SLC39A12: variants seen among roughly 807,000 people sequenced by gnomAD.
The protein encoded by SLC39A12 is solute carrier family 39 member 12, also known as zinc transporter ZIP12.
A neutral mutation model predicts 71.1 loss-of-function variants in SLC39A12; 63 were observed. That is an observed-to-expected ratio of 0.89 (90% confidence interval 0.72 to 1.09). The LOEUF is 1.09. SLC39A12 is among the 50% of genes least tolerant of loss of function. The pLI, the probability that SLC39A12 is intolerant of heterozygous loss-of-function variation, is 0.00. For missense variants in SLC39A12, 892 were observed against 812.6 expected (o/e 1.10, Z -1.19); for synonymous variants, 351 against 301.3 (o/e 1.16, Z -1.71).
chr10:17,955,159 G>C (rs1356541749), intron 2 of SLC39A12, among the ~76,000 whole-genome samples: 2 of 152,180 alleles, frequency 1.3e-5, no homozygotes, highest in African/African-American at 2.4e-5. Context: ...TTTTGCCAGG[G>C]GGGAAGGTAA....
intron 4 of SLC39A12, among the ~76,000 whole-genome samples, chr10:17,967,843 C>T (rs867990267): frequency 6.7e-6 from 1 of 150,086 alleles, no homozygotes; most frequent in Non-Finnish European, 1.5e-5. Flanking sequence ...GCTGAGTTCC[C>T]GCCACTGTAC....
At chr10:18,028,745 A>G (rs1293997550) in intron 12 of SLC39A12, among the ~76,000 whole-genome samples, 2 of 151,896 alleles carry the variant, frequency 1.3e-5, no homozygotes, top group African/African-American at 4.8e-5. Flanking sequence ...TTTGAGATGG[A>G]ATCTCACTCT....
intron 8 of SLC39A12, among the ~76,000 whole-genome samples, chr10:17,992,109 A>C (rs1046690281): frequency 5.2e-5 from 7 of 134,378 alleles, no homozygotes; most frequent in East Asian, 2.2e-4. Context: ...AAAAAAAAAA[A>C]CAAAAGAAAA....
At chr10:17,976,183 A>G (rs1394126321) in intron 4 of SLC39A12, among the ~76,000 whole-genome samples, 2 of 152,108 alleles carry the variant, frequency 1.3e-5, no homozygotes, top group African/African-American at 4.8e-5. Flanking sequence ...TCTTGTGTAG[A>G]TAGTTGTTAA....
intron 12 of SLC39A12, among the ~76,000 whole-genome samples, chr10:18,041,337 C>T (rs915795672): frequency 2.6e-5 from 4 of 151,434 alleles, no homozygotes; most frequent in Non-Finnish European, 4.4e-5. Flanking sequence ...TTTACCAAAA[C>T]ATACAAAAAT....
intron 12 of SLC39A12, among the ~76,000 whole-genome samples, chr10:18,040,043 A>G (rs936434151): frequency 1.3e-5 from 2 of 152,248 alleles, no homozygotes; most frequent in Admixed American, 6.5e-5. Flanking sequence ...CAACAGTTAC[A>G]TATAGTTCAA....
intron 12 of SLC39A12, among the ~76,000 whole-genome samples, chr10:18,030,424 A>G (rs1031014126): frequency 1.3e-5 from 2 of 151,628 alleles, no homozygotes; most frequent in African/African-American, 4.8e-5. Flanking sequence ...TTTTTTTAGT[A>G]GAGACGGGGT....
At chr10:17,995,398 A>G (rs536529988) in intron 9 of SLC39A12, among the ~76,000 whole-genome samples, 1 of 152,328 alleles carries the variant, frequency 6.6e-6, no homozygotes, top group South Asian at 2.1e-4. Context: ...CTGTCTCAGC[A>G]GCCTTCAGCT....
chr10:17,992,491 A>C (rs768425852), intron 8 of SLC39A12, among the ~76,000 whole-genome samples: 14 of 152,228 alleles, frequency 9.2e-5, no homozygotes, highest in Non-Finnish European at 1.9e-4. Flanking sequence ...TTTCTATTAC[A>C]GTACTTACCC....
intron 12 of SLC39A12, among the ~76,000 whole-genome samples, chr10:18,012,858 T>C (rs1046896769): frequency 1.1e-5 from 1 of 92,996 alleles, no homozygotes; most frequent in Non-Finnish European, 2.0e-5. Context: ...AAGGTGAGAC[T>C]ACGTCTCAAA....
chr10:17,954,286 C>T (rs1834483445), intron 2 of SLC39A12, among the ~76,000 whole-genome samples: 1 of 152,102 alleles, frequency 6.6e-6, no homozygotes, highest in Non-Finnish European at 1.5e-5. Context: ...CAGAGTCTCG[C>T]CCTGTTGCCC....
chr10:18,000,479 C>T (rs775124555), intron 10 of SLC39A12, among the ~76,000 whole-genome samples, 188 bp from the exon 11 acceptor site: 1 of 152,112 alleles, frequency 6.6e-6, no homozygotes, highest in Admixed American at 6.6e-5. Flanking sequence ...AGTGACCATA[C>T]GTTTAAGTGT....
chr10:17,965,886 CA>C (rs1428279607), intron 4 of SLC39A12, among the ~76,000 whole-genome samples, 196 bp downstream of exon 4: 1 of 152,160 alleles, frequency 6.6e-6, no homozygotes, highest in African/African-American at 2.4e-5. Context: ...GGTGATGAGG[CA>C]AAAACATGGA....
chr10:18,029,697 T>G (rs1227410679), intron 12 of SLC39A12, among the ~76,000 whole-genome samples: 1 of 152,116 alleles, frequency 6.6e-6, no homozygotes, highest in Non-Finnish European at 1.5e-5. Context: ...GTAAAATTGC[T>G]CAATAACAGG....
rs1265782387 is a variant in SLC39A12 at position 17,965,539 on chromosome 10, T to A, written c.600T>A (p.Ala200=). 1.9e-6 allele frequency: 3 copies of A among 1,614,220 alleles called. No individual in the cohort carries two copies. Among genetic ancestry groups the A allele is most frequent in the Admixed American group, 3.3e-5 (2 of 60,026 alleles). The part of the protein sequence containing the change: ...KKSGIVSSEG[A]NESTLPQLAA... ...CTGGAATAGTGAGCAGTGAAGGTGC[T>A]AATGAAAGTACGCTTCCTCAGTTGG... Residue 200 remains alanine, a synonymous_variant, in exon 4 of 13, where the codon GCT becomes GCA. Coordinates refer to ENST00000377369, the MANE Select transcript of SLC39A12 (RefSeq NM_001145195.2).
Position 18,003,202 on chromosome 10 carries a change from T to A in SLC39A12, c.1791T>A (p.Leu597=). The change falls in exon 12 of 13, where the codon CTT becomes CTA. Residue 597 remains leucine (L), a synonymous_variant. Coordinates refer to ENST00000377369, the MANE Select transcript of SLC39A12 (RefSeq NM_001145195.2). ...GDFAVLLSSG[L]SMKTAILMNF... is the part of the protein sequence containing the mutation. ...TTGCCGTGCTCTTAAGCTCTGGACT[T>A]TCTATGAAGACTGCCATCCTGATGA... 6.2e-7 allele frequency: 1 copy of A among 1,614,112 alleles called. No homozygotes were observed. Among genetic ancestry groups the A allele is most frequent in the South Asian group, 1.1e-5 (1 of 91,064 alleles).
At chr10:17,982,305 A>G (rs760542154) in intron 6 of SLC39A12, among the ~76,000 whole-genome samples, 3 of 152,220 alleles carry the variant, frequency 2.0e-5, no homozygotes, top group South Asian at 2.1e-4. Context: ...GTGGACAAAA[A>G]TATCTTCAGT....
intron 6 of SLC39A12, 42 bp downstream of exon 6, chr10:17,981,525 G>T: frequency 6.6e-7 from 1 of 1,505,814 alleles, no homozygotes. Context: ...TGTGCACAAT[G>T]TATGCAATAA....
At chr10:17,987,797 C>A in intron 7 of SLC39A12, 146 bp downstream of exon 7, 2 of 802,394 alleles carry the variant, frequency 2.5e-6, no homozygotes, top group Non-Finnish European at 3.9e-6. Flanking sequence ...TATTATTTCC[C>A]CAAGGCCTCT....
Sources: allele counts gnomAD v4.1 joint callset (sites outside exome capture counted in the v4.1 genomes callset), GRCh38; gene constraint gnomAD v4.1.1; transcripts MANE v1.5; gene names NCBI Gene and HGNC (gene_info 2026-07-23, HGNC 2026-07-21).